The following PCDH15 variants were observed in gnomAD, a reference collection of about 807,000 sequenced individuals.
PCDH15 encodes protocadherin related 15.
Under a neutral mutation model 178.5 loss-of-function variants are expected in PCDH15, and 129 were observed. The observed-to-expected ratio is 0.72, with a 90% CI of 0.63 to 0.84. The LOEUF (loss-of-function observed/expected upper bound fraction) is 0.84. Among genes scored for constraint, PCDH15 ranks in the 40% least tolerant of loss-of-function variants. The probability of loss-of-function intolerance (pLI) is 0.00; values close to 1 mark genes in which losing one functional copy is unlikely to be tolerated. For missense variants in PCDH15, 2,230 were observed against 2,099.9 expected, an observed-to-expected ratio of 1.06 and a Z score of -1.21; for synonymous variants, 800 against 732.0, an observed-to-expected ratio of 1.09 and a Z score of -1.50.
chr10:53,908,232 C>T (rs563263716), intron 25 of PCDH15, among the ~76,000 whole-genome samples: 4 of 152,266 alleles, frequency 2.6e-5, no homozygotes, highest in African/African-American at 9.6e-5. Flanking sequence ...ATGAACAGAA[C>T]AGGCTCTTAC....
chr10:54,317,183 T>C, intron 8 of PCDH15, 88 bp downstream of exon 8: 1 of 1,423,078 alleles, frequency 7.0e-7, no homozygotes, highest in Non-Finnish European at 9.8e-7. Context: ...TTTGCTATTA[T>C]AAATTATATG....
intron 16 of PCDH15, among the ~76,000 whole-genome samples, chr10:54,089,173 G>A (rs1184414567): frequency 8.5e-5 from 13 of 152,190 alleles, no homozygotes; most frequent in Admixed American, 8.5e-4. Context: ...CCAGCACATG[G>A]TTCTCTTGTT....
At chr10:55,041,330 T>C (rs1382504172) in intron 2 of PCDH15, among the ~76,000 whole-genome samples, 1 of 152,098 alleles carries the variant, frequency 6.6e-6, no homozygotes, top group Admixed American at 6.6e-5. Flanking sequence ...AAACAATGCA[T>C]CTACATCCTT....
intron 2 of PCDH15, among the ~76,000 whole-genome samples, chr10:55,474,354 A>T (rs965122800): frequency 2.0e-5 from 3 of 152,214 alleles, no homozygotes; most frequent in Admixed American, 6.5e-5. Context: ...CTTCATAAAT[A>T]CAAATTTATA....
intron 3 of PCDH15, among the ~76,000 whole-genome samples, chr10:54,835,999 C>T (rs1206684022): frequency 6.6e-6 from 1 of 152,066 alleles, no homozygotes; most frequent in African/African-American, 2.4e-5. Context: ...AAACTATTGT[C>T]ATACGTTTTA....
chr10:54,877,009 A>G (rs1954157429), intron 3 of PCDH15, among the ~76,000 whole-genome samples: 3 of 152,172 alleles, frequency 2.0e-5, no homozygotes, highest in Non-Finnish European at 2.9e-5. Flanking sequence ...TTTTCCCTTG[A>G]ATATATGAAA....
intron 2 of PCDH15, among the ~76,000 whole-genome samples, chr10:55,134,184 T>C (rs1838131098): frequency 6.6e-6 from 1 of 152,132 alleles, no homozygotes; most frequent in African/African-American, 2.4e-5. Context: ...CCTCCAGCTA[T>C]AGGGGGAGCC....
At chr10:54,298,372 C>T (rs928680110) in intron 8 of PCDH15, among the ~76,000 whole-genome samples, 25 of 152,226 alleles carry the variant, frequency 1.6e-4, no homozygotes, top group East Asian at 3.9e-4. Flanking sequence ...CAAGAGGAAC[C>T]GGCCCAAAAG....
chr10:55,484,640 A>G (rs921862066), intron 2 of PCDH15, among the ~76,000 whole-genome samples: 3 of 151,756 alleles, frequency 2.0e-5, no homozygotes, highest in Admixed American at 2.0e-4. Context: ...ACTTCAAGAA[A>G]CACTATATAG....
chr10:54,452,743 G>A (rs550817246), intron 3 of PCDH15, among the ~76,000 whole-genome samples: 9 of 152,084 alleles, frequency 5.9e-5, no homozygotes, highest in Non-Finnish European at 1.2e-4. Context: ...AGATATGAGA[G>A]GGTCTGAATT....
At chr10:55,243,246 C>T (rs959715184) in intron 1 of PCDH15, among the ~76,000 whole-genome samples, 4 of 152,126 alleles carry the variant, frequency 2.6e-5, no homozygotes, top group African/African-American at 9.7e-5. Context: ...CCCAAACACA[C>T]AACAAATGAA....
chr10:54,969,666 A>G (rs1339616100), intron 2 of PCDH15, among the ~76,000 whole-genome samples: 1 of 152,050 alleles, frequency 6.6e-6, no homozygotes, highest in East Asian at 1.9e-4. Context: ...TGCCTCCTAA[A>G]CTCAGAGATA....
intron 20 of PCDH15, among the ~76,000 whole-genome samples, chr10:53,996,257 AT>A (rs2091841014): frequency 6.6e-6 from 1 of 152,126 alleles, no homozygotes; most frequent in African/African-American, 2.4e-5. Flanking sequence ...CTTTGTTGCC[AT>A]TTTACATGAT....
At chr10:55,466,105 C>A (rs945858186) in intron 2 of PCDH15, among the ~76,000 whole-genome samples, 2 of 152,034 alleles carry the variant, frequency 1.3e-5, no homozygotes, top group African/African-American at 4.8e-5. Context: ...GGGGAGCCAG[C>A]CAATACGAAA....
intron 2 of PCDH15, among the ~76,000 whole-genome samples, chr10:55,380,167 T>C (rs1837499032): frequency 6.6e-6 from 1 of 152,102 alleles, no homozygotes; most frequent in South Asian, 2.1e-4. Flanking sequence ...TGACAGGCAA[T>C]GTATGGAGGT....
At position 54,479,583 on chromosome 10, in the gene PCDH15, T is replaced by C. The variant is rs1391616229; in HGVS notation, c.157+48229A>G. The stretch of plus-strand genomic sequence containing the variant: ...AAAAGATCCCTTTTCCTCATCCTCA[T>C]AGAAAAAAATAAGAATGTTAAAAAG... On this transcript the variant is annotated intron_variant, in intron 3 of 37. Coordinates refer to ENST00000644397, the MANE Select transcript of PCDH15 (RefSeq NM_001384140.1). Among the ~76,000 whole-genome samples the C allele has an allele frequency of 6.6e-5, 10 of 151,884 alleles. No homozygotes were observed. In the Admixed American group the frequency reaches 6.6e-4, roughly 10 times the overall value.
chr10:54,416,288 C>A (rs369496699), intron 3 of PCDH15, among the ~76,000 whole-genome samples: 56 of 152,024 alleles, frequency 3.7e-4, no homozygotes, highest in African/African-American at 1.3e-3. Context: ...TCCCCACCCC[C>A]CAAAAGGCCC....
chr10:54,650,684 G>A (rs189114966), intron 2 of PCDH15, among the ~76,000 whole-genome samples: 483 of 152,218 alleles, frequency 3.2e-3, no homozygotes, highest in African/African-American at 0.01. Flanking sequence ...CCTCACAATC[G>A]TGGTGGAAGA....
chr10:55,268,215 C>A lies in PCDH15; in HGVS notation c.-156+51384G>T, dbSNP rs1043031450. The stretch of plus-strand genomic sequence containing the variant: ...GTTATGTACTATATCATTTTACTTA[C>A]AAGCTTAGAGAGAATAAATGATTTG... On this transcript the variant is annotated intron_variant, in intron 1 of 5. Transcript: ENST00000458638. 2.6e-5 allele frequency among the ~76,000 whole-genome samples: 4 copies of A among 152,126 alleles called. No homozygotes were observed. In the South Asian group the frequency reaches 6.2e-4, roughly 24 times the overall value.
Sources: allele counts gnomAD v4.1 joint callset (sites outside exome capture counted in the v4.1 genomes callset), GRCh38; gene constraint gnomAD v4.1.1; transcripts MANE v1.5; gene names NCBI Gene and HGNC (gene_info 2026-07-23, HGNC 2026-07-21).